FBN1: variants seen among roughly 807,000 people sequenced by gnomAD.
The protein encoded by FBN1 is fibrillin-1.
In FBN1, 29 loss-of-function variants were observed where a neutral mutation model predicts 365.1. The ratio of observed to expected loss-of-function variants is 0.08; its 90% CI spans 0.06 to 0.11. The LOEUF (loss-of-function observed/expected upper bound fraction) is 0.11. Ranked by LOEUF, FBN1 falls within the 10% of genes least tolerant of loss-of-function variation. FBN1 has a pLI of 1.00. For synonymous variants in FBN1, 1,210 were observed against 1,270.5 expected (o/e 0.95, Z 1.01); for missense variants, 2,476 against 3,703.2 (o/e 0.67, Z 8.60).
intron 32 of FBN1, among the ~76,000 whole-genome samples, chr15:48,475,072 T>A (rs1334606134): frequency 6.6e-6 from 1 of 151,986 alleles, no homozygotes; most frequent in East Asian, 1.9e-4. Flanking sequence ...AAATACAAAC[T>A]TGTTGGCAAA....
At chr15:48,462,934 C>T in intron 42 of FBN1, 148 bp downstream of exon 42, 1 of 783,488 alleles carries the variant, frequency 1.3e-6, no homozygotes, top group Non-Finnish European at 2.2e-6. Context: ...ATGACCAGCA[C>T]CAACTGTGAA....
At chr15:48,626,115 A>G (rs1281260217) in intron 2 of FBN1, among the ~76,000 whole-genome samples, 4 of 152,070 alleles carry the variant, frequency 2.6e-5, no homozygotes, top group African/African-American at 9.7e-5. Context: ...AAATTAGCCA[A>G]GATGGTGGCA....
At chr15:48,472,449 A>G in intron 35 of FBN1, 102 bp downstream of exon 35, 76 of 1,054,638 alleles carry the variant, frequency 7.2e-5, no homozygotes, top group Non-Finnish European at 1.0e-4. Flanking sequence ...GCTAAAACAC[A>G]CCTCAGTTTA....
intron 6 of FBN1, among the ~76,000 whole-genome samples, chr15:48,578,081 C>G (rs79247445): frequency 0.026 from 3,967 of 152,104 alleles, 169 homozygotes; most frequent in African/African-American, 0.086. Flanking sequence ...TATTTTTGGA[C>G]AGAGAATGGG....
At position 48,411,322 on chromosome 15, in the gene FBN1, C is replaced by A; in HGVS notation, c.8284G>T (p.Ala2762Ser). ...SLASWDVEKT[A>S]IFAFNISHVS... ...TGGGAAATATTGAAAGCAAAGATGG[C>A]TGTCTTCTCAACATCCCAACTTGCA... The change falls in exon 66 of 66, where the codon GCC becomes TCC. Residue 2762 changes from alanine (A) to serine (S), a missense_variant. Transcript: ENST00000316623. 1 of 1,614,076 alleles carries A rather than the reference C, an allele frequency of 6.2e-7. No individual in the cohort carries two copies. Among genetic ancestry groups the A allele is most frequent in the Non-Finnish European group, 8.5e-7 (1 of 1,179,964 alleles).
chr15:48,572,034 T>C (rs1308031556), intron 6 of FBN1, among the ~76,000 whole-genome samples: 1 of 152,188 alleles, frequency 6.6e-6, no homozygotes, highest in East Asian at 1.9e-4. Flanking sequence ...ATTAGTATGG[T>C]AGGTAGTTTC....
chr15:48,433,604 A>G (rs1162770850), intron 54 of FBN1, among the ~76,000 whole-genome samples: 7 of 150,250 alleles, frequency 4.7e-5, no homozygotes, highest in Non-Finnish European at 1.0e-4. Context: ...TGTTAATGGA[A>G]AAAAAGTCAT....
chr15:48,476,653 C>A (rs1009228026), intron 32 of FBN1: 3 of 149,648 alleles, frequency 2.0e-5, no homozygotes, highest in African/African-American at 7.5e-5. Flanking sequence ...TCTTGTCGCC[C>A]AGGCTGGAGT....
intron 4 of FBN1, among the ~76,000 whole-genome samples, chr15:48,602,482 C>A (rs1457654199): frequency 1.3e-5 from 2 of 152,176 alleles, no homozygotes; most frequent in Non-Finnish European, 2.9e-5. Context: ...TTACTTAACT[C>A]ATGCTGCCTG....
chr15:48,465,882 G>C (rs765448349), intron 38 of FBN1, 24 bp from the exon 39 acceptor site: 2 of 1,546,804 alleles, frequency 1.3e-6, no homozygotes, highest in African/African-American at 2.7e-5. Context: ...AATTCAAATT[G>C]AGTTGTTTTG....
chr15:48,642,819 G>A (rs891976263), intron 2 of FBN1: 1 of 152,104 alleles, frequency 6.6e-6, no homozygotes, highest in African/African-American at 2.4e-5. Context: ...ATAGGATAAG[G>A]TCTGTGTTAA....
intron 48 of FBN1, among the ~76,000 whole-genome samples, 175 bp downstream of exon 48, chr15:48,445,197 CATAT>C (rs988204828): frequency 3.0e-5 from 4 of 133,810 alleles, no homozygotes; most frequent in African/African-American, 8.3e-5. Flanking sequence ...TATATATATA[CATAT>C]ATATATGTGT....
intron 60 of FBN1, among the ~76,000 whole-genome samples, chr15:48,422,962 AC>A (rs2042954585): frequency 6.6e-6 from 1 of 151,812 alleles, no homozygotes; most frequent in Non-Finnish European, 1.5e-5. Context: ...AAAACAAAAA[AC>A]AAAAAAAACA....
intron 40 of FBN1, 74 bp from the exon 41 acceptor site, chr15:48,464,095 G>A: frequency 1.4e-6 from 2 of 1,423,758 alleles, no homozygotes; most frequent in African/African-American, 1.4e-5. Context: ...CTTAATGAAT[G>A]TTGACATTAG....
rs767462642 is a variant in FBN1 at position 48,470,665 on chromosome 15, G to A, written c.4428C>T (p.Tyr1476=). Residue 1476 remains tyrosine, a synonymous_variant, in exon 36 of 66, where the codon TAC becomes TAT. Coordinates refer to ENST00000316623, the MANE Select transcript of FBN1 (RefSeq NM_000138.5). ...GLFRCECEIG[Y]ELDRSGGNCT... ...AGTTCCCGCCGCTTCTGTCCAGTTC[G>A]TAGCCTATCTCACACTCACAGCGGA... The A allele has an allele frequency of 1.2e-5, 20 of 1,614,000 alleles. No homozygotes were observed. The highest frequency in any genetic ancestry group is 2.2e-5 in the South Asian group (2 of 91,064).
intron 45 of FBN1, among the ~76,000 whole-genome samples, chr15:48,451,639 T>C (rs1401895661): frequency 6.6e-6 from 1 of 152,148 alleles, no homozygotes; most frequent in Non-Finnish European, 1.5e-5. Context: ...CACAAATGCA[T>C]AAAATATCCA....
intron 6 of FBN1, among the ~76,000 whole-genome samples, chr15:48,553,579 T>C (rs759417181): frequency 6.0e-4 from 91 of 152,350 alleles, no homozygotes; most frequent in Non-Finnish European, 6.0e-4. Context: ...GTCTATTGTT[T>C]TGGCTCAGGG....
intron 2 of FBN1, among the ~76,000 whole-genome samples, chr15:48,622,820 A>C (rs948026823): frequency 6.6e-6 from 1 of 152,032 alleles, no homozygotes; most frequent in African/African-American, 2.4e-5. Context: ...ACGCACTGCT[A>C]TCTCTGACAC....
chr15:48,449,268 C>A (rs1274014110), intron 45 of FBN1, among the ~76,000 whole-genome samples: 1 of 152,208 alleles, frequency 6.6e-6, no homozygotes, highest in African/African-American at 2.4e-5. Context: ...TGCCTTAAGT[C>A]ATGGATAGTT....
Sources: allele counts gnomAD v4.1 joint callset (sites outside exome capture counted in the v4.1 genomes callset), GRCh38; gene constraint gnomAD v4.1.1; transcripts MANE v1.5; gene names NCBI Gene and HGNC (gene_info 2026-07-23, HGNC 2026-07-21).